Variants in ZNF385B observed in about 807,000 individuals in gnomAD.
The protein encoded by ZNF385B is zinc finger protein 533.
A neutral mutation model predicts 39.2 loss-of-function variants in ZNF385B; 23 were observed. That is an observed-to-expected ratio of 0.59 (90% CI 0.42 to 0.83). ZNF385B has a LOEUF of 0.83. Among genes scored for constraint, ZNF385B ranks in the 40% least tolerant of loss-of-function variants. The pLI is 0.00. For synonymous variants in ZNF385B, 205 were observed against 222.6 expected (o/e 0.92, Z 0.70); for missense variants, 552 against 598.9 (o/e 0.92, Z 0.82).
At chr2:179,764,968 G>A (rs1301694910) in intron 3 of ZNF385B, among the ~76,000 whole-genome samples, 1 of 152,164 alleles carries the variant, frequency 6.6e-6, no homozygotes. Context: ...GAGCCAGCCA[G>A]TCCTCAGACT....
intron 3 of ZNF385B, among the ~76,000 whole-genome samples, chr2:179,654,350 AG>A (rs1693516973): frequency 6.6e-6 from 1 of 152,184 alleles, no homozygotes; most frequent in Non-Finnish European, 1.5e-5. Flanking sequence ...TTGAGAAGCC[AG>A]GATGAAAACT....
At chr2:179,696,105 G>T (rs1292037540) in intron 3 of ZNF385B, among the ~76,000 whole-genome samples, 6 of 152,116 alleles carry the variant, frequency 3.9e-5, no homozygotes, top group African/African-American at 1.4e-4. Context: ...AGCATTGAAG[G>T]TGTTGTGGGG....
chr2:179,727,036 T>C (rs1701066031), intron 3 of ZNF385B, among the ~76,000 whole-genome samples: 1 of 152,000 alleles, frequency 6.6e-6, no homozygotes, highest in African/African-American at 2.4e-5. Context: ...AGTCATCTTG[T>C]GGTGCAAGTA....
chr2:179,747,813 T>C (rs1000248179), intron 3 of ZNF385B, among the ~76,000 whole-genome samples: 1 of 152,130 alleles, frequency 6.6e-6, no homozygotes, highest in African/African-American at 2.4e-5. Flanking sequence ...AGATGTTATA[T>C]AATGCCGCAC....
Position 179,499,307 on chromosome 2 carries a change from C to T in ZNF385B, c.553-15873G>A, listed in dbSNP as rs560773306. ...AGAAGAGGAGGGAATACTCCAAACT[C>T]GTTCTACAAGGCCAGTATTACACAT... On this transcript the variant is annotated intron_variant, in intron 5 of 9. Transcript: ENST00000410066. Among the ~76,000 whole-genome samples, 7 of 151,854 alleles carry T rather than the reference C, an allele frequency of 4.6e-5. No homozygotes were observed. The South Asian group carries it at 6.2e-4, about 14-fold the overall frequency.
chr2:179,816,952 C>T (rs1312916602), intron 1 of ZNF385B, among the ~76,000 whole-genome samples: 1 of 152,058 alleles, frequency 6.6e-6, no homozygotes, highest in African/African-American at 2.4e-5. Context: ...AGATTCTCTT[C>T]AAGAAACAAA....
intron 1 of ZNF385B, among the ~76,000 whole-genome samples, chr2:179,846,301 A>C (rs893316147): frequency 1.2e-4 from 19 of 152,332 alleles, no homozygotes; most frequent in Admixed American, 3.9e-4. Flanking sequence ...ATTTAATTTA[A>C]ATTGTTCTAA....
chr2:179,818,244 G>A (rs959079640), intron 1 of ZNF385B, among the ~76,000 whole-genome samples: 1 of 152,150 alleles, frequency 6.6e-6, no homozygotes, highest in Non-Finnish European at 1.5e-5. Flanking sequence ...ATTAAAATTT[G>A]CCTTTCCGAC....
At chr2:179,665,141 T>A (rs752373131) in intron 3 of ZNF385B, among the ~76,000 whole-genome samples, 1 of 152,218 alleles carries the variant, frequency 6.6e-6, no homozygotes, top group African/African-American at 2.4e-5. Flanking sequence ...TGCAAGCACG[T>A]GGACTAAAGA....
At chr2:179,753,889 T>G (rs1433371673) in intron 3 of ZNF385B, among the ~76,000 whole-genome samples, 1 of 152,228 alleles carries the variant, frequency 6.6e-6, no homozygotes, top group African/African-American at 2.4e-5. Flanking sequence ...CAGGGACAAT[T>G]TGACTTCCTC....
chr2:179,813,693 G>T (rs1706877987), intron 1 of ZNF385B, among the ~76,000 whole-genome samples: 1 of 152,174 alleles, frequency 6.6e-6, no homozygotes, highest in Non-Finnish European at 1.5e-5. Context: ...AGCAAGGACT[G>T]TCTCATAAAG....
intron 3 of ZNF385B, among the ~76,000 whole-genome samples, chr2:179,601,273 C>T (rs896596071): frequency 3.3e-5 from 5 of 152,088 alleles, no homozygotes; most frequent in Non-Finnish European, 7.4e-5. Context: ...GCGTTTTGGG[C>T]TGGGTGAAGC....
intron 6 of ZNF385B, among the ~76,000 whole-genome samples, chr2:179,454,292 G>C (rs2050452907): frequency 6.6e-6 from 1 of 152,142 alleles, no homozygotes; most frequent in African/African-American, 2.4e-5. Context: ...AGATGTGGTA[G>C]CTGTCATGAT....
intron 6 of ZNF385B, among the ~76,000 whole-genome samples, chr2:179,460,961 TA>T (rs2051263457): frequency 6.6e-6 from 1 of 152,240 alleles, no homozygotes; most frequent in African/African-American, 2.4e-5. Context: ...GGATTGGTTT[TA>T]TCTGTGCAGC....
intron 3 of ZNF385B, among the ~76,000 whole-genome samples, chr2:179,604,272 CAAAACAA>C (rs1688627536): frequency 6.6e-6 from 1 of 151,128 alleles, no homozygotes; most frequent in South Asian, 2.1e-4. Context: ...CTGGAAAAAG[CAAAACAA>C]AAATAAAAAA....
intron 5 of ZNF385B, among the ~76,000 whole-genome samples, chr2:179,496,698 C>A (rs368622545): frequency 2.0e-5 from 3 of 152,222 alleles, no homozygotes; most frequent in East Asian, 1.9e-4. Flanking sequence ...ATTTATAGAA[C>A]TGAAGGAAAA....
intron 3 of ZNF385B, among the ~76,000 whole-genome samples, chr2:179,737,575 A>C (rs1009645468): frequency 6.6e-6 from 1 of 152,220 alleles, no homozygotes; most frequent in Non-Finnish European, 1.5e-5. Context: ...GATTGAAAAA[A>C]GAATCTAAAA....
intron 3 of ZNF385B, among the ~76,000 whole-genome samples, chr2:179,687,225 G>A (rs1052425236): frequency 6.6e-6 from 1 of 150,624 alleles, no homozygotes; most frequent in Non-Finnish European, 1.5e-5. Flanking sequence ...AACTCTCCAG[G>A]GGGAAGACGA....
intron 1 of ZNF385B, among the ~76,000 whole-genome samples, chr2:179,809,246 G>A (rs887410164): frequency 6.6e-6 from 1 of 152,104 alleles, no homozygotes; most frequent in African/African-American, 2.4e-5. Context: ...ATGGAAGGAC[G>A]GATCAAGAAG....
Sources: allele counts gnomAD v4.1 joint callset (sites outside exome capture counted in the v4.1 genomes callset), GRCh38; gene constraint gnomAD v4.1.1; transcripts MANE v1.5; gene names NCBI Gene and HGNC (gene_info 2026-07-23, HGNC 2026-07-21).